OXR1: variants seen among roughly 807,000 people sequenced by gnomAD.
OXR1 encodes the protein oxidation resistance protein 1.
In OXR1, 41 loss-of-function variants were observed where a neutral mutation model predicts 104.6. The observed-to-expected ratio is 0.39, with a 90% confidence interval of 0.31 to 0.51. OXR1 has a LOEUF of 0.51. Ranked by LOEUF, OXR1 falls within the 20% of genes least tolerant of loss-of-function variation. The pLI is 0.77. For synonymous variants in OXR1, 348 were observed against 348.4 expected (o/e 1.00, Z 0.01); for missense variants, 955 against 1,031.9 (o/e 0.93, Z 1.02).
intron 2 of OXR1, among the ~76,000 whole-genome samples, chr8:106,368,775 C>T (rs1279126523): frequency 1.3e-5 from 2 of 152,144 alleles, no homozygotes; most frequent in Admixed American, 1.3e-4. Context: ...TGTATATGTA[C>T]CATGATTTCT....
At chr8:106,340,385 C>T (rs1389072927) in intron 1 of OXR1, among the ~76,000 whole-genome samples, 1 of 152,072 alleles carries the variant, frequency 6.6e-6, no homozygotes, top group Non-Finnish European at 1.5e-5. Context: ...AATACCCTGT[C>T]ATGTTTTCAA....
intron 2 of OXR1, among the ~76,000 whole-genome samples, chr8:106,431,394 C>T (rs1037020251): frequency 6.6e-5 from 10 of 152,162 alleles, no homozygotes; most frequent in African/African-American, 1.4e-4. Flanking sequence ...TGCCTGTGCT[C>T]AGTTTCCTCC....
intron 3 of OXR1, among the ~76,000 whole-genome samples, chr8:106,616,798 CA>C (rs1343027251): frequency 6.6e-6 from 1 of 152,126 alleles, no homozygotes; most frequent in Non-Finnish European, 1.5e-5. Flanking sequence ...TGGTTTTTGA[CA>C]ATTTGTTTAT....
chr8:106,427,701 AC>A (rs1563517543), intron 2 of OXR1, among the ~76,000 whole-genome samples: 1 of 152,184 alleles, frequency 6.6e-6, no homozygotes, highest in African/African-American at 2.4e-5. Context: ...CTATGTGAAG[AC>A]TATGTTCTGA....
At chr8:106,294,372 G>A (rs543835043) in intron 1 of OXR1, among the ~76,000 whole-genome samples, 4 of 133,874 alleles carry the variant, frequency 3.0e-5, no homozygotes, top group African/African-American at 3.1e-5. Context: ...CTCCAACTTG[G>A]GCGACAGGGC....
chr8:106,558,202 C>T (rs1816424306), intron 3 of OXR1, among the ~76,000 whole-genome samples: 1 of 152,210 alleles, frequency 6.6e-6, no homozygotes, highest in Non-Finnish European at 1.5e-5. Context: ...ATAGGAAAAG[C>T]TTCCCTCTTG....
At chr8:106,387,019 T>C (rs1817400282) in intron 2 of OXR1, among the ~76,000 whole-genome samples, 1 of 152,072 alleles carries the variant, frequency 6.6e-6, no homozygotes, top group Non-Finnish European at 1.5e-5. Context: ...AATAAACACC[T>C]GAAATAAAAA....
At chr8:106,711,994 A>G (rs781005172) in intron 10 of OXR1, among the ~76,000 whole-genome samples, 1 of 152,090 alleles carries the variant, frequency 6.6e-6, no homozygotes, top group Non-Finnish European at 1.5e-5. Context: ...AAGGAGATAG[A>G]TAGACCTTTC....
intron 2 of OXR1, among the ~76,000 whole-genome samples, chr8:106,465,053 T>C (rs1821102834): frequency 6.6e-6 from 1 of 151,994 alleles, no homozygotes; most frequent in Admixed American, 6.6e-5. Context: ...GTATGTTAAA[T>C]AATTTTCAGT....
intron 3 of OXR1, among the ~76,000 whole-genome samples, chr8:106,626,041 G>A (rs950696464): frequency 8.0e-5 from 8 of 99,862 alleles, no homozygotes; most frequent in South Asian, 3.0e-4. Context: ...TCTGTTCTGC[G>A]TTTTGTGTGT....
chr8:106,525,251 A>G (rs1224169653), intron 3 of OXR1, among the ~76,000 whole-genome samples: 2 of 152,182 alleles, frequency 1.3e-5, no homozygotes, highest in Middle Eastern at 3.2e-3. Context: ...TATTCACATT[A>G]TCTCACTATC....
At chr8:106,511,323 C>A (rs1401025010) in intron 2 of OXR1, among the ~76,000 whole-genome samples, 2 of 152,152 alleles carry the variant, frequency 1.3e-5, no homozygotes, top group East Asian at 3.8e-4. Flanking sequence ...GCCACAGTAT[C>A]CAACTTGGAA....
intron 3 of OXR1, among the ~76,000 whole-genome samples, chr8:106,553,501 C>A (rs768446175): frequency 7.9e-5 from 12 of 151,802 alleles, no homozygotes; most frequent in Admixed American, 6.6e-4. Flanking sequence ...TATATGATTT[C>A]TAGAGACCAG....
chr8:106,509,354 A>G (rs1812370826), intron 2 of OXR1, among the ~76,000 whole-genome samples: 1 of 152,236 alleles, frequency 6.6e-6, no homozygotes, highest in Non-Finnish European at 1.5e-5. Flanking sequence ...AATGCTTGTG[A>G]TATAGTGACA....
intron 2 of OXR1, among the ~76,000 whole-genome samples, chr8:106,497,656 T>C (rs1811500449): frequency 6.6e-6 from 1 of 152,226 alleles, no homozygotes; most frequent in Admixed American, 6.5e-5. Flanking sequence ...GATCAAAATC[T>C]ACCTCTGAAG....
At chr8:106,472,505 G>A (rs1273896350) in intron 2 of OXR1, among the ~76,000 whole-genome samples, 2 of 151,884 alleles carry the variant, frequency 1.3e-5, no homozygotes, top group South Asian at 4.2e-4. Flanking sequence ...ACAAGACATA[G>A]AGAATATGTT....
At chr8:106,319,962 C>T (rs574262141) in intron 1 of OXR1, among the ~76,000 whole-genome samples, 1 of 152,086 alleles carries the variant, frequency 6.6e-6, no homozygotes, top group African/African-American at 2.4e-5. Context: ...TGAGAGGTGA[C>T]CTTTTGTGGA....
chr8:106,326,542 A>G (rs1814475851), intron 1 of OXR1, among the ~76,000 whole-genome samples: 1 of 152,240 alleles, frequency 6.6e-6, no homozygotes, highest in Admixed American at 6.5e-5. Flanking sequence ...TTTTGTTTTA[A>G]TCTCAGCCAG....
chr8:106,567,566 G>A (rs1435241307), intron 3 of OXR1, among the ~76,000 whole-genome samples: 1 of 152,160 alleles, frequency 6.6e-6, no homozygotes, highest in Non-Finnish European at 1.5e-5. Flanking sequence ...GAGTTGGCCT[G>A]CCAAGATTTA....
Sources: allele counts gnomAD v4.1 joint callset (sites outside exome capture counted in the v4.1 genomes callset), GRCh38; gene constraint gnomAD v4.1.1; transcripts MANE v1.5; gene names NCBI Gene and HGNC (gene_info 2026-07-23, HGNC 2026-07-21).